F8: variants seen among roughly 807,000 people sequenced by gnomAD.
The protein encoded by F8 is antihemophilic factor.
Under a neutral mutation model 140.6 loss-of-function variants are expected in F8, and 12 were observed. That is an observed-to-expected ratio of 0.09 (90% CI 0.05 to 0.14). F8 has a LOEUF of 0.14. Among genes scored for constraint, F8 ranks in the 10% least tolerant of loss-of-function variants. F8 has a pLI of 1.00. For missense variants in F8, 1,354 were observed against 1,720.7 expected (o/e 0.79, Z 3.77); for synonymous variants, 585 against 614.6 (o/e 0.95, Z 0.71).
chrX:154,851,680 T>A lies in F8; in HGVS notation c.6900+8752A>T, dbSNP rs782008865. ...ACTAATGATGTTGTCTATCTTTTCATGAGTTTGTTGGATCCTTGTATATCT... is the reference window on the plus strand; with the variant it reads ...ACTAATGATGTTGTCTATCTTTTCAAGAGTTTGTTGGATCCTTGTATATCT... On this transcript the variant is annotated intron_variant, in intron 25 of 25. Transcript: ENST00000360256. Among the ~76,000 whole-genome samples, 6 of 112,093 alleles carry A rather than the reference T, an allele frequency of 5.4e-5. No individual in the cohort carries two copies. The South Asian group carries it at 2.2e-3, about 41-fold the overall frequency.
intron 14 of F8, among the ~76,000 whole-genome samples, chrX:154,926,028 T>C (rs782308838): frequency 8.9e-6 from 1 of 112,036 alleles, no homozygotes; most frequent in South Asian, 3.7e-4. Context: ...TGGCAGTAGG[T>C]CCTTCCCTTG....
At chrX:154,925,086 C>A (rs900635701) in intron 14 of F8, among the ~76,000 whole-genome samples, 2 of 112,641 alleles carry the variant, frequency 1.8e-5, no homozygotes, top group African/African-American at 6.5e-5. Context: ...ATGCAAATTT[C>A]TGCAGCCTGC....
chrX:154,900,380 C>T (rs1603432866), intron 20 of F8, among the ~76,000 whole-genome samples: 3 of 110,506 alleles, frequency 2.7e-5, no homozygotes, highest in Non-Finnish European at 5.7e-5. Context: ...ACTACAATCG[C>T]GTACCACCAT....
chrX:154,903,813 T>G (rs2073022175), intron 18 of F8, 93 bp downstream of exon 18: 2 of 760,178 alleles, frequency 2.6e-6, no homozygotes, highest in Non-Finnish European at 2.0e-6. Context: ...TTGTCTGCTT[T>G]GATCACTGAT....
At chrX:154,977,561 TG>T (rs1379446825) in intron 6 of F8, 20 of 108,115 alleles carry the variant, frequency 1.8e-4, no homozygotes, top group African/African-American at 6.0e-4. Flanking sequence ...GGCTGGCAGG[TG>T]TTTTTTTTTT....
intron 13 of F8, among the ~76,000 whole-genome samples, chrX:154,932,042 A>G (rs2073201478): frequency 8.9e-6 from 1 of 112,500 alleles, no homozygotes; most frequent in Non-Finnish European, 1.9e-5. Flanking sequence ...TGTTATTGCT[A>G]TATCACATAG....
At chrX:154,964,411 A>G (rs1441962499) in intron 9 of F8, among the ~76,000 whole-genome samples, 1 of 112,032 alleles carries the variant, frequency 8.9e-6, no homozygotes, top group Non-Finnish European at 1.9e-5. Context: ...ATGAAGAAAA[A>G]TTGTACAATA....
chrX:155,019,043 T>A (rs2073747886), intron 1 of F8, among the ~76,000 whole-genome samples: 1 of 112,099 alleles, frequency 8.9e-6, no homozygotes, highest in Admixed American at 9.4e-5. Flanking sequence ...TCAAATTCCA[T>A]GAATAGTAGA....
intron 10 of F8, among the ~76,000 whole-genome samples, chrX:154,959,212 CA>C (rs2073382107): frequency 9.2e-6 from 1 of 108,965 alleles, no homozygotes; most frequent in Non-Finnish European, 1.9e-5. Flanking sequence ...CCCATTTCTA[CA>C]AAAAATAAAA....
At chrX:154,925,774 T>C (rs1205912538) in intron 14 of F8, among the ~76,000 whole-genome samples, 9 of 112,747 alleles carry the variant, frequency 8.0e-5, no homozygotes, top group African/African-American at 2.9e-4. Flanking sequence ...CTTTACATGC[T>C]CATAGGTGGA....
chrX:154,931,454 G>T lies in F8; in HGVS notation c.2336C>A (p.Thr779Lys), dbSNP rs148204253. ...CTTCTCTATGTCATTTTCTGGAATT[G>T]TGGTGGCATTAAATTGCTTTTGCCT... is the stretch of plus-strand genomic sequence containing the variant. ...STRQKQFNAT[T>K]IPENDIEKTD... The change falls in exon 14 of 26, where the codon ACA becomes AAA. Residue 779 changes from threonine (T) to lysine (K), a missense_variant. Thr to Lys is a moderately conservative substitution (Grantham distance 78, BLOSUM62 -1). This residue lies in a region of F8 where 658 missense variants were observed against 666.5 expected (regional missense o/e 0.99). Coordinates refer to ENST00000360256, the MANE Select transcript of F8 (RefSeq NM_000132.4). 1.7e-6 allele frequency: 2 copies of T among 1,210,952 alleles called. No homozygotes were observed. Among genetic ancestry groups the T allele is most frequent in the South Asian group, 1.8e-5 (1 of 56,983 alleles).
At chrX:154,943,754 C>T (rs187080168) in intron 13 of F8, among the ~76,000 whole-genome samples, 1 of 111,670 alleles carries the variant, frequency 9.0e-6, no homozygotes, top group African/African-American at 3.3e-5. Flanking sequence ...CATCACGCTC[C>T]CTGACTTCAA....
At position 154,930,204 on chromosome X, in the gene F8, T is replaced by C; in HGVS notation, c.3586A>G (p.Thr1196Ala). The change falls in exon 14 of 26, where the codon ACT becomes GCT. Residue 1196 changes from threonine to alanine, a missense_variant. Physicochemically the swap from Thr to Ala is moderately conservative, Grantham distance 58. Coordinates refer to ENST00000360256, the MANE Select transcript of F8 (RefSeq NM_000132.4). ...TTTTCATGTAAATTATCCAAGTTAG[T>C]AAGAAATAGGTTTCTGCTGCTTGGA... is the stretch of plus-strand genomic sequence containing the variant. ...VFPSSRNLFL[T>A]NLDNLHENNT... 8.3e-7 allele frequency: 1 copy of C among 1,209,098 alleles called. No homozygotes were observed. Among genetic ancestry groups the C allele is most frequent in the Non-Finnish European group, 1.1e-6 (1 of 894,282 alleles).
In F8 at chrX:154,992,920, G is replaced by A. The variant is rs782327073; in HGVS notation, c.601+16C>T. 1.0e-5 allele frequency: 12 copies of A among 1,180,949 alleles called. No homozygotes were observed. Among genetic ancestry groups the A allele is most frequent in the African/African-American group, 1.8e-5 (1 of 56,608 alleles). On this transcript the variant is annotated intron_variant, in intron 4 of 25. Coordinates refer to ENST00000360256, the MANE Select transcript of F8 (RefSeq NM_000132.4). ...TCTGCTTATTTCATCTCAATCCTACGCTTTCATACACTTACCTTCTCTACA... is the reference window on the plus strand; with the variant it reads ...TCTGCTTATTTCATCTCAATCCTACACTTTCATACACTTACCTTCTCTACA...
intron 13 of F8, among the ~76,000 whole-genome samples, chrX:154,938,679 G>A (rs2073237048): frequency 9.0e-6 from 1 of 110,637 alleles, no homozygotes; most frequent in South Asian, 3.8e-4. Context: ...CACAGACTGG[G>A]AGAAAACATT....
chrX:154,904,604 G>T (rs1557276183), intron 16 of F8, 80 bp from the exon 17 acceptor site: 7 of 930,942 alleles, frequency 7.5e-6, no homozygotes, highest in Non-Finnish European at 1.1e-5. Flanking sequence ...CAATTTTTAT[G>T]CCAGTCCAAC....
chrX:154,997,920 TAGTC>T (rs1557285258), intron 2 of F8, among the ~76,000 whole-genome samples: 1 of 112,260 alleles, frequency 8.9e-6, no homozygotes, highest in Non-Finnish European at 1.9e-5. Flanking sequence ...ACTGGGTTGT[TAGTC>T]AGGCCATGAC....
At chrX:154,972,858 G>A (rs1220643934) in intron 6 of F8, among the ~76,000 whole-genome samples, 6 of 108,602 alleles carry the variant, frequency 5.5e-5, no homozygotes, top group Non-Finnish European at 9.6e-5. Flanking sequence ...TGGGACTACA[G>A]GTGTGCCACC....
chrX:154,908,421 T>C (rs1234418990), intron 14 of F8, among the ~76,000 whole-genome samples: 1 of 112,483 alleles, frequency 8.9e-6, no homozygotes, highest in Non-Finnish European at 1.9e-5. Context: ...GACTTGGCTA[T>C]TCATAAACCT....
Sources: gnomAD v4.1 joint callset for allele counts (sites outside exome capture counted in the v4.1 genomes callset) on GRCh38, gnomAD v4.1.1 for gene constraint, gnomAD v4.1.1 regional missense constraint, MANE v1.5 for transcripts, NCBI Gene and HGNC (gene_info 2026-07-23, HGNC 2026-07-21) for gene names.